The following MTHFD2L variants were observed in gnomAD, a reference collection of about 807,000 sequenced individuals.
MTHFD2L encodes the protein bifunctional methylenetetrahydrofolate dehydrogenase/cyclohydrolase 2, mitochondrial.
Under a neutral mutation model 34.9 loss-of-function variants are expected in MTHFD2L, and 29 were observed. The observed-to-expected ratio is 0.83, with a 90% confidence interval of 0.62 to 1.13. MTHFD2L has a LOEUF of 1.13. Ranked by LOEUF, MTHFD2L falls within the 50% of genes most tolerant of loss-of-function variation. MTHFD2L has a pLI of 0.00. For synonymous variants in MTHFD2L, 167 were observed against 155.7 expected, an observed-to-expected ratio of 1.07 and a Z score of -0.54; for missense variants, 481 against 446.5, an observed-to-expected ratio of 1.08 and a Z score of -0.70.
Position 74,158,231 on chromosome 4 carries a change from A to G in MTHFD2L, c.93A>G (p.Ala31=). 1.3e-6 allele frequency: 2 copies of G among 1,496,632 alleles called. 1 individual carries two copies. The highest frequency in any genetic ancestry group is 2.6e-5 in the South Asian group (2 of 75,646). The allele number at this position is 1,496,632 out of a possible 1,614,324, so 92.7% of individuals were successfully genotyped here. The part of the protein sequence containing the change: ...LGRSTAPSVR[A]PGEPGSAFRG... ...GAAGCACAGCACCCTCCGTAAGGGC[A>G]CCGGGAGAGCCCGGGAGTGCGTTCC... The change falls in exon 1 of 8, where the codon GCA becomes GCG. Residue 31 remains alanine (A), a synonymous_variant. Transcript: ENST00000325278.
intron 3 of MTHFD2L, chr4:74,180,711 T>G (rs1463848234): frequency 2.2e-6 from 1 of 454,920 alleles, no homozygotes; most frequent in Non-Finnish European, 4.4e-6. Context: ...TGTTCAGGAT[T>G]TGAAATGCTC....
intron 6 of MTHFD2L, among the ~76,000 whole-genome samples, chr4:74,259,588 C>T (rs940572064): frequency 6.6e-6 from 1 of 152,146 alleles, no homozygotes; most frequent in African/African-American, 2.4e-5. Context: ...CATAGTTCTT[C>T]CTAAGAGAAG....
In MTHFD2L at chr4:74,301,985, T is replaced by C; in HGVS notation, c.*176T>C. The C allele has an allele frequency of 2.4e-6, 1 of 417,566 alleles. No homozygotes were observed. Among genetic ancestry groups the C allele is most frequent in the East Asian group, 3.7e-5 (1 of 27,210 alleles). The allele number at this position is 417,566 out of a possible 1,614,324, so 25.9% of individuals were successfully genotyped here. A position where few individuals can be genotyped will look rare whatever the true frequency, so the allele number is the denominator to read the frequency against. ...GTTTTATGCATTTCCTGCTAATTTA[T>C]TTTGAGTTTTAAGAAAACAACCAAA... On this transcript the variant is annotated 3_prime_UTR_variant, in exon 8 of 8. Coordinates refer to ENST00000325278, the MANE Select transcript of MTHFD2L (RefSeq NM_001144978.3).
At chr4:74,130,846 T>C (rs1722440612) in intron 1 of MTHFD2L, among the ~76,000 whole-genome samples, 1 of 152,286 alleles carries the variant, frequency 6.6e-6, no homozygotes, top group Non-Finnish European at 1.5e-5. Flanking sequence ...CCCCATCATA[T>C]CAGCCCAAAA....
At chr4:74,241,348 TAATA>T (rs1179819399) in intron 6 of MTHFD2L, among the ~76,000 whole-genome samples, 1 of 152,188 alleles carries the variant, frequency 6.6e-6, no homozygotes, top group Non-Finnish European at 1.5e-5. Context: ...GCATGTTTTG[TAATA>T]AATAGGTGCA....
intron 7 of MTHFD2L, among the ~76,000 whole-genome samples, chr4:74,283,449 T>C (rs1362955949): frequency 1.3e-5 from 2 of 152,068 alleles, no homozygotes; most frequent in Non-Finnish European, 1.5e-5. Context: ...TAAGTATATA[T>C]AAAAATTTTA....
chr4:74,131,543 A>C (rs1722502187), intron 1 of MTHFD2L, among the ~76,000 whole-genome samples: 1 of 152,230 alleles, frequency 6.6e-6, no homozygotes, highest in Admixed American at 6.5e-5. Context: ...CAGAAAACTG[A>C]AACTGGACCC....
Position 74,175,222 on chromosome 4 carries a change from A to G in MTHFD2L, c.329-59A>G, listed in dbSNP as rs771182198. 4.0e-5 allele frequency: 62 copies of G among 1,568,352 alleles called. 2 individuals carry two copies. The Middle Eastern group carries it at 2.2e-3, about 56-fold the overall frequency. ...ACAGTCCCACACTGTGTCAGACACT[A>G]TTGATGAAAAACCATATTCAGTTAG... On this transcript the variant is annotated intron_variant, in intron 2 of 7. Coordinates refer to ENST00000325278, the MANE Select transcript of MTHFD2L (RefSeq NM_001144978.3).
chr4:74,177,238 A>C (rs983201868), intron 3 of MTHFD2L, among the ~76,000 whole-genome samples: 1 of 151,958 alleles, frequency 6.6e-6, no homozygotes, highest in African/African-American at 2.4e-5. Context: ...GAGTTTATTA[A>C]CATCACAAAT....
At chr4:74,300,732 T>C (rs1173391511) in intron 7 of MTHFD2L, among the ~76,000 whole-genome samples, 1 of 152,060 alleles carries the variant, frequency 6.6e-6, no homozygotes. Flanking sequence ...TTTCTTTAAG[T>C]ATACAGATTC....
chr4:74,128,395 T>C (rs1262551671), intron 1 of MTHFD2L, among the ~76,000 whole-genome samples: 1 of 152,128 alleles, frequency 6.6e-6, no homozygotes, highest in African/African-American at 2.4e-5. Flanking sequence ...CATTTTTGTA[T>C]AGCCTGAGAC....
intron 3 of MTHFD2L, among the ~76,000 whole-genome samples, chr4:74,184,756 A>G (rs1578387286): frequency 1.3e-5 from 2 of 152,302 alleles, no homozygotes; most frequent in Middle Eastern, 6.8e-3. Flanking sequence ...AGTATATACC[A>G]CATGCTAGGC....
intron 3 of MTHFD2L, among the ~76,000 whole-genome samples, chr4:74,178,010 A>G (rs1305078221): frequency 6.6e-6 from 1 of 151,832 alleles, no homozygotes; most frequent in Non-Finnish European, 1.5e-5. Context: ...AAAAAGAAAA[A>G]CCTGCATGAT....
At chr4:74,222,073 T>G (rs1250045239) in intron 5 of MTHFD2L, among the ~76,000 whole-genome samples, 1 of 152,100 alleles carries the variant, frequency 6.6e-6, no homozygotes, top group Non-Finnish European at 1.5e-5. Flanking sequence ...ATACTTTGAT[T>G]ATCTGGTTGG....
chr4:74,239,342 G>T (rs193039549), intron 6 of MTHFD2L, among the ~76,000 whole-genome samples: 4 of 152,010 alleles, frequency 2.6e-5, no homozygotes, highest in Non-Finnish European at 4.4e-5. Context: ...TCGTAGTTTG[G>T]GGGGGCAGAG....
At chr4:74,139,190 G>T (rs1723136101) in intron 1 of MTHFD2L, among the ~76,000 whole-genome samples, 1 of 152,164 alleles carries the variant, frequency 6.6e-6, no homozygotes, top group Non-Finnish European at 1.5e-5. Flanking sequence ...AGTAGAATGT[G>T]TCTGAAGCCC....
At position 74,257,239 on chromosome 4, in the gene MTHFD2L, TC is replaced by T. The variant is rs546459251; in HGVS notation, c.806-24184del. The stretch of plus-strand genomic sequence containing the variant: ...TTGGCTATTGTAAATGGGATTGCAT[TC>T]CTGACTTGGTTCTCAGCTTGAATGT... On this transcript the variant is annotated intron_variant, in intron 6 of 7. Transcript: ENST00000325278. Among the ~76,000 whole-genome samples the T allele has an allele frequency of 2.0e-5, 3 of 152,296 alleles. No homozygotes were observed. The South Asian group carries it at 6.2e-4, about 32-fold the overall frequency.
chr4:74,169,506 TG>T (rs1431994681), intron 1 of MTHFD2L, among the ~76,000 whole-genome samples: 1 of 152,246 alleles, frequency 6.6e-6, no homozygotes, highest in African/African-American at 2.4e-5. Context: ...AGAGTTCAGA[TG>T]TTTTTATATT....
At chr4:74,141,187 G>C (rs1319817072) in intron 1 of MTHFD2L, among the ~76,000 whole-genome samples, 1 of 152,148 alleles carries the variant, frequency 6.6e-6, no homozygotes, top group African/African-American at 2.4e-5. Context: ...AGTAATAACT[G>C]AAATATGGCA....
Sources: allele counts gnomAD v4.1 joint callset (sites outside exome capture counted in the v4.1 genomes callset), GRCh38; gene constraint gnomAD v4.1.1; transcripts MANE v1.5; gene names NCBI Gene and HGNC (gene_info 2026-07-23, HGNC 2026-07-21).